VPS13B: variants seen among roughly 807,000 people sequenced by gnomAD.
VPS13B encodes intermembrane lipid transfer protein VPS13B.
Under a neutral mutation model 426.4 loss-of-function variants are expected in VPS13B, and 285 were observed. The ratio of observed to expected loss-of-function variants is 0.67; its 90% CI spans 0.61 to 0.74. VPS13B has a LOEUF of 0.74. Among genes scored for constraint, VPS13B ranks in the 30% least tolerant of loss-of-function variants. The pLI, the probability that VPS13B is intolerant of heterozygous loss-of-function variation, is 0.00. For synonymous variants in VPS13B, 1,676 were observed against 1,676.4 expected (o/e 1.00, Z 0.01); for missense variants, 4,537 against 4,782.6 (o/e 0.95, Z 1.51).
At chr8:99,825,164 A>G (rs575343180) in intron 51 of VPS13B, among the ~76,000 whole-genome samples, 5 of 152,140 alleles carry the variant, frequency 3.3e-5, no homozygotes, top group African/African-American at 1.2e-4. Context: ...CTGTGTTCCA[A>G]TGGTTGGTTT....
At chr8:99,251,105 A>C (rs1431892089) in intron 17 of VPS13B, among the ~76,000 whole-genome samples, 1 of 152,066 alleles carries the variant, frequency 6.6e-6, no homozygotes, top group Non-Finnish European at 1.5e-5. Context: ...AAATGCAGAG[A>C]CGGACAGCAT....
chr8:99,240,768 C>T (rs572345105), intron 17 of VPS13B: 1 of 152,752 alleles, frequency 6.5e-6, no homozygotes, highest in South Asian at 2.1e-4. Context: ...TAAAATGACA[C>T]AATCTACTAG....
intron 57 of VPS13B, 75 bp downstream of exon 57, chr8:99,859,555 T>C: frequency 6.4e-7 from 1 of 1,570,590 alleles, no homozygotes; most frequent in Admixed American, 1.7e-5. Flanking sequence ...TGTGCTAAAG[T>C]TTTAAATGCA....
rs1301743649 is a variant in VPS13B at position 99,624,046 on chromosome 8, A to G, written c.5221-17765A>G. Among the ~76,000 whole-genome samples, 5 of 113,064 alleles carry G rather than the reference A, an allele frequency of 4.4e-5. 1 individual carries two copies. In the Admixed American group the frequency reaches 6.2e-4, roughly 14 times the overall value. 74.2% of individuals were successfully genotyped at this position (113,064 alleles called of 152,430 possible). A position where few individuals can be genotyped will look rare whatever the true frequency, so the allele number is the denominator to read the frequency against. ...TTTTTTTTTTTTCTGTGTGAACCCA[A>G]TTTAACTGACCCAATAGCAAATGAA... On this transcript the variant is annotated intron_variant, in intron 33 of 61. Transcript: ENST00000357162.
At chr8:99,788,320 C>T (rs1467508440) in intron 43 of VPS13B, among the ~76,000 whole-genome samples, 1 of 143,664 alleles carries the variant, frequency 7.0e-6, no homozygotes, top group Non-Finnish European at 1.5e-5. Context: ...GAGGCTGAGG[C>T]AGGAGGATTA....
rs570836443 is a variant in VPS13B, at chr8:99,053,289, G to A, written c.291+14723G>A. ...ATATCTCCTAATGCTATCCCTCCCCGCTCCCCGCACCCCACAACAGTCCCC... is the reference window on the plus strand; with the variant it reads ...ATATCTCCTAATGCTATCCCTCCCCACTCCCCGCACCCCACAACAGTCCCC... On this transcript the variant is annotated intron_variant, in intron 3 of 61. Coordinates refer to ENST00000357162, the MANE Select transcript of VPS13B (RefSeq NM_152564.5). 4.6e-5 allele frequency among the ~76,000 whole-genome samples: 7 copies of A among 151,658 alleles called. No individual in the cohort carries two copies. In the East Asian group the frequency reaches 5.8e-4, roughly 13 times the overall value.
At chr8:99,142,563 T>C (rs899550734) in intron 12 of VPS13B, among the ~76,000 whole-genome samples, 1 of 152,220 alleles carries the variant, frequency 6.6e-6, no homozygotes, top group Non-Finnish European at 1.5e-5. Flanking sequence ...TGTGATCATG[T>C]TACTTAAATA....
At chr8:99,458,182 C>T (rs1818607075) in intron 23 of VPS13B, among the ~76,000 whole-genome samples, 1 of 150,526 alleles carries the variant, frequency 6.6e-6, no homozygotes, top group Non-Finnish European at 1.5e-5. Context: ...GTTTTTTGTC[C>T]TTGTGATAGT....
chr8:99,136,524 C>T (rs1563561344), intron 11 of VPS13B, 141 bp from the exon 12 acceptor site: 10 of 804,274 alleles, frequency 1.2e-5, no homozygotes, highest in Non-Finnish European at 4.1e-6. Context: ...GAAGTAAATT[C>T]TTGGAATAAC....
chr8:99,202,432 A>G (rs1375669662), intron 17 of VPS13B, among the ~76,000 whole-genome samples: 2 of 152,192 alleles, frequency 1.3e-5, no homozygotes, highest in Non-Finnish European at 2.9e-5. Context: ...GGATGTGACA[A>G]TGCAATGGGA....
At chr8:99,171,811 T>C (rs1388302442) in intron 16 of VPS13B, among the ~76,000 whole-genome samples, 1 of 151,842 alleles carries the variant, frequency 6.6e-6, no homozygotes, top group Non-Finnish European at 1.5e-5. Flanking sequence ...TTAGTAACTG[T>C]AACTTGAAAA....
chr8:99,147,940 G>A lies in VPS13B; in HGVS notation c.1943G>A (p.Cys648Tyr), dbSNP rs960819243. Residue 648 changes from cysteine (C) to tyrosine (Y), a missense_variant, in exon 14 of 62, where the codon TGT becomes TAT. Transcript: ENST00000357162. ...TRHTSVTLLK[C>Y]TCTISMAEFN... ...CATACAAGTGTTACTCTCCTCAAATGTACCTGCACAATTTCCATGGCTGAA... is the reference window on the plus strand; with the variant it reads ...CATACAAGTGTTACTCTCCTCAAATATACCTGCACAATTTCCATGGCTGAA... The A allele has an allele frequency of 8.7e-6, 14 of 1,613,488 alleles. No individual in the cohort carries two copies. Among genetic ancestry groups the A allele is most frequent in the East Asian group, 2.2e-5 (1 of 44,850 alleles).
intron 2 of VPS13B, among the ~76,000 whole-genome samples, chr8:99,034,822 C>T (rs1304966873): frequency 6.6e-6 from 1 of 152,124 alleles, no homozygotes; most frequent in Non-Finnish European, 1.5e-5. Context: ...TGCCGAGCTC[C>T]TCATTCAGCA....
chr8:99,260,157 A>G (rs1399928212), intron 17 of VPS13B, among the ~76,000 whole-genome samples: 1 of 152,120 alleles, frequency 6.6e-6, no homozygotes, highest in Non-Finnish European at 1.5e-5. Context: ...AGGTGGTTAT[A>G]AAGAAGTTTC....
intron 35 of VPS13B, among the ~76,000 whole-genome samples, chr8:99,667,730 A>G (rs1023762171): frequency 3.3e-5 from 5 of 152,226 alleles, no homozygotes; most frequent in Non-Finnish European, 5.9e-5. Context: ...ACATTAATTT[A>G]GGAATCAAAT....
intron 17 of VPS13B, among the ~76,000 whole-genome samples, chr8:99,197,179 T>C (rs1274221059): frequency 6.6e-6 from 1 of 152,226 alleles, no homozygotes; most frequent in Non-Finnish European, 1.5e-5. Context: ...AATACCACTG[T>C]ATCATGGCAA....
Position 99,876,902 on chromosome 8 carries a change from G to A in VPS13B, c.*1236G>A, listed in dbSNP as rs1817724934. On this transcript the variant is annotated 3_prime_UTR_variant, in exon 62 of 62. Transcript: ENST00000357162. Reference sequence around the variant, plus strand: ...GTCTCATTCTGTCACCCAGGCTAGAGTACAGTGGGAACAGTCATGGCTCAC... The same window carrying A: ...GTCTCATTCTGTCACCCAGGCTAGAATACAGTGGGAACAGTCATGGCTCAC... 1 of 152,150 alleles carries A rather than the reference G, an allele frequency of 6.6e-6. No homozygotes were observed. The highest frequency in any genetic ancestry group is 2.1e-4 in the South Asian group (1 of 4,826). The allele number at this position is 152,150 out of a possible 1,614,324, so 9.4% of individuals were successfully genotyped here. A position where few individuals can be genotyped will look rare whatever the true frequency, so the allele number is the denominator to read the frequency against.
intron 19 of VPS13B, among the ~76,000 whole-genome samples, chr8:99,321,015 T>G (rs1180203258): frequency 1.3e-5 from 2 of 152,122 alleles, no homozygotes; most frequent in Non-Finnish European, 2.9e-5. Context: ...ACAATTGTCT[T>G]TTTAAATATT....
chr8:99,222,025 C>G (rs918042925), intron 17 of VPS13B, among the ~76,000 whole-genome samples: 2 of 152,182 alleles, frequency 1.3e-5, no homozygotes, highest in African/African-American at 2.4e-5. Flanking sequence ...ATCTACTGCT[C>G]TTGGCTCTGA....
Sources: gnomAD v4.1 joint callset for allele counts (sites outside exome capture counted in the v4.1 genomes callset) on GRCh38, gnomAD v4.1.1 for gene constraint, MANE v1.5 for transcripts, NCBI Gene and HGNC (gene_info 2026-07-23, HGNC 2026-07-21) for gene names.